The following SHISA4 variants were observed in gnomAD, a reference collection of about 807,000 sequenced individuals.
SHISA4 encodes shisa family member 4.
In SHISA4, 16 loss-of-function variants were observed where a neutral mutation model predicts 24.2. The observed-to-expected ratio is 0.66, with a 90% confidence interval of 0.45 to 1.00. SHISA4 has a LOEUF of 1.00. SHISA4 is among the 50% of genes least tolerant of loss of function. The pLI is 0.00. For missense variants in SHISA4, 238 were observed against 258.9 expected (o/e 0.92, Z 0.55); for synonymous variants, 106 against 105.4 (o/e 1.01, Z -0.04).
At position 201,891,543 on chromosome 1, in the gene SHISA4, T is replaced by C. The variant is rs1188563491; in HGVS notation, c.522T>C (p.Ala174=). The C allele has an allele frequency of 4.3e-6, 7 of 1,613,032 alleles. No individual in the cohort carries two copies. Among genetic ancestry groups the C allele is most frequent in the Non-Finnish European group, 5.9e-6 (7 of 1,179,550 alleles). Residue 174 remains alanine, a synonymous_variant, in exon 4 of 5, where the codon GCT becomes GCC. Coordinates refer to ENST00000362011, the MANE Select transcript of SHISA4 (RefSeq NM_198149.3). ...CTCCCCAATATCCACTCTACCCAGC[T>C]GGGCCCCCAGTCTACAACCCTGCAG... ...GPAPQYPLYP[A]GPPVYNPAAP... is the part of the protein sequence containing the mutation.
In SHISA4 at chr1:201,891,516, T is replaced by C. The variant is rs1471494431; in HGVS notation, c.495T>C (p.Pro165=). The change falls in exon 4 of 5, where the codon CCT becomes CCC. Residue 165 remains proline (P), a synonymous_variant. Transcript: ENST00000362011. ...QPGFIYPPSG[P]APQYPLYPAG... is the part of the protein sequence containing the mutation. ...GCTTCATATACCCACCTAGTGGTCC[T>C]GCTCCCCAATATCCACTCTACCCAG... 6.2e-7 allele frequency: 1 copy of C among 1,613,796 alleles called. No homozygotes were observed.
intron 3 of SHISA4, 66 bp from the exon 4 acceptor site, chr1:201,891,335 G>T: frequency 1.9e-6 from 3 of 1,601,974 alleles, no homozygotes; most frequent in Non-Finnish European, 1.7e-6. Context: ...TTGGTTTCCT[G>T]GGCAGGAGGA....
chr1:201,890,329 CCCCA>C (rs1436299644), intron 2 of SHISA4, 121 bp from the exon 3 acceptor site: 11 of 1,266,540 alleles, frequency 8.7e-6, no homozygotes, highest in Admixed American at 2.1e-5. Context: ...CTGGGCAGAG[CCCCA>C]CAAGGAACCC....
intron 3 of SHISA4, 81 bp from the exon 4 acceptor site, chr1:201,891,320 T>C: frequency 1.3e-6 from 2 of 1,559,444 alleles, no homozygotes; most frequent in South Asian, 1.1e-5. Flanking sequence ...ACCAGGGTGC[T>C]TACCTTGGTT....
At chr1:201,890,406 C>T (rs1308399317) in intron 2 of SHISA4, 48 bp from the exon 3 acceptor site, 1 of 1,602,184 alleles carries the variant, frequency 6.2e-7, no homozygotes, top group Non-Finnish European at 8.5e-7. Context: ...AATGAGGACT[C>T]CGTCCTATGA....
chr1:201,890,461 A>T lies in SHISA4; in HGVS notation c.253A>T (p.Thr85Ser). 6.2e-7 allele frequency: 1 copy of T among 1,614,158 alleles called. No individual in the cohort carries two copies. Among genetic ancestry groups the T allele is most frequent in the Non-Finnish European group, 8.5e-7 (1 of 1,180,012 alleles). Residue 85 changes from threonine (T) to serine (S), a missense_variant, in exon 3 of 5, where the codon ACC (threonine) becomes TCC (serine). Physicochemically the swap from Thr to Ser is moderately conservative, Grantham distance 58 (BLOSUM62 1). Transcript: ENST00000362011. ...CCTGTTCTTTGTCTAAAGCCCCAAG[A>T]CCATAGCAGGCATCGCCTCAGCTGT... ...QKHCLAFSPK[T>S]IAGIASAVIL...
rs903084505 is a variant in SHISA4 at position 201,891,315 on chromosome 1, G to C, written c.380-86G>C. The C allele has an allele frequency of 4.5e-6, 7 of 1,545,400 alleles. No individual in the cohort carries two copies. In the African/African-American group the frequency reaches 5.4e-5, roughly 12 times the overall value. On this transcript the variant is annotated intron_variant, in intron 3 of 4. Transcript: ENST00000362011. ...GGAGCTTGCCAGAGGCCAGCACCAG[G>C]GTGCTTACCTTGGTTTCCTGGGCAG... is the stretch of plus-strand genomic sequence containing the variant.
At chr1:201,891,251 T>C in intron 3 of SHISA4, 150 bp from the exon 4 acceptor site, 1 of 869,580 alleles carries the variant, frequency 1.1e-6, no homozygotes, top group Non-Finnish European at 1.8e-6. Context: ...CCTGCTTAAC[T>C]CTGCCAAGCA....
Position 201,891,846 on chromosome 1 carries a change from A to C in SHISA4, c.594A>C (p.Ter198CysextTer59). ...MPPQPSYPGA[*>C] ...CACAGCCCTCTTACCCGGGAGCCTG[A>C]GGAACCAGCCATGTCTCTGCTGCCC... Residue 198 changes from the stop codon to cysteine, a stop_lost, in exon 5 of 5, where the codon TGA becomes TGC. Coordinates refer to ENST00000362011, the MANE Select transcript of SHISA4 (RefSeq NM_198149.3). 6.2e-7 allele frequency: 1 copy of C among 1,614,020 alleles called. No homozygotes were observed. The highest frequency in any genetic ancestry group is 8.5e-7 in the Non-Finnish European group (1 of 1,179,972).
intron 2 of SHISA4, 135 bp from the exon 3 acceptor site, chr1:201,890,319 C>A (rs1681068896): frequency 8.7e-7 from 1 of 1,151,288 alleles, no homozygotes; most frequent in Admixed American, 2.3e-5. Flanking sequence ...TTCACAGGGA[C>A]TGGGCAGAGC....
At chr1:201,889,152 C>A in intron 1 of SHISA4, 85 bp downstream of exon 1, 1 of 1,251,710 alleles carries the variant, frequency 8.0e-7, no homozygotes, top group Non-Finnish European at 1.1e-6. Context: ...GGGCTCGGGG[C>A]TTCTCCGAGA....
upstream of SHISA4, chr1:201,888,834 T>A: frequency 2.4e-6 from 1 of 411,592 alleles, no homozygotes; most frequent in Non-Finnish European, 4.1e-6. Flanking sequence ...CCGCGCCGGC[T>A]GGGTTAGCGC....
intron 2 of SHISA4, 25 bp from the exon 3 acceptor site, chr1:201,890,428 TG>T (rs751641516): frequency 1.2e-6 from 2 of 1,612,898 alleles, no homozygotes; most frequent in South Asian, 2.2e-5. Flanking sequence ...TGTTGGAAGG[TG>T]AGAGGACCTG....
Position 201,891,800 on chromosome 1 carries a change from C to A in SHISA4, c.548C>A (p.Ala183Asp). The A allele has an allele frequency of 6.2e-7, 1 of 1,614,126 alleles. No individual in the cohort carries two copies. Among genetic ancestry groups the A allele is most frequent in the Non-Finnish European group, 8.5e-7 (1 of 1,179,994 alleles). ...PAGPPVYNPA[A>D]PPPYMPPQPS... ...CTCATCCTGTCTCTTTGGCTTTCAG[C>A]TCCTCCTCCCTATATGCCACCACAG... The change falls in exon 5 of 5, where the codon GCT (alanine) becomes GAT (aspartate). Residue 183 changes from alanine to aspartate, a missense_variant and splice_region_variant. By Grantham distance (126) the Ala-to-Asp change is moderately radical (BLOSUM62 -2). Coordinates refer to ENST00000362011, the MANE Select transcript of SHISA4 (RefSeq NM_198149.3).
chr1:201,888,940 G>T lies in SHISA4; in HGVS notation c.-55G>T. On this transcript the variant is annotated 5_prime_UTR_variant, in exon 1 of 5. Transcript: ENST00000362011. Reference sequence around the variant, plus strand: ...CGCCGCAGCTCCAGCTGGCCGGCTTGGTCCTGCGGTCCCTTCTCTGGGAGG... The same window carrying T: ...CGCCGCAGCTCCAGCTGGCCGGCTTTGTCCTGCGGTCCCTTCTCTGGGAGG... The T allele has an allele frequency of 1.6e-6, 2 of 1,228,316 alleles. No individual in the cohort carries two copies. The highest frequency in any genetic ancestry group is 2.1e-6 in the Non-Finnish European group (2 of 950,098). 76.1% of individuals were successfully genotyped at this position (1,228,316 alleles called of 1,614,324 possible).
intron 2 of SHISA4, among the ~76,000 whole-genome samples, chr1:201,890,079 T>A (rs1431986899): frequency 6.6e-6 from 1 of 152,198 alleles, no homozygotes. Flanking sequence ...AACTTTTTTT[T>A]AATATATCAT....
Position 201,891,867 on chromosome 1 carries a change from T to A in SHISA4, c.*21T>A, listed in dbSNP as rs1681107533. 6.2e-7 allele frequency: 1 copy of A among 1,613,704 alleles called. No individual in the cohort carries two copies. Among genetic ancestry groups the A allele is most frequent in the African/African-American group, 1.3e-5 (1 of 74,900 alleles). ...CCTGAGGAACCAGCCATGTCTCTGC[T>A]GCCCCTTCAGTGATGCCAACCTTGG... is the stretch of plus-strand genomic sequence containing the variant. On this transcript the variant is annotated 3_prime_UTR_variant, in exon 5 of 5. Transcript: ENST00000362011.
At chr1:201,890,275 G>T (rs900469341) in intron 2 of SHISA4, among the ~76,000 whole-genome samples, 179 bp from the exon 3 acceptor site, 40 of 152,200 alleles carry the variant, frequency 2.6e-4, no homozygotes, top group Non-Finnish European at 5.7e-4. Flanking sequence ...AGGCAGCATA[G>T]CCTTCTGGGA....
At chr1:201,889,358 C>A in intron 1 of SHISA4, 87 bp from the exon 2 acceptor site, 1 of 1,561,916 alleles carries the variant, frequency 6.4e-7, no homozygotes, top group Non-Finnish European at 8.7e-7. Context: ...AGCCGTCAGG[C>A]TGGGGACCGC....
Sources: allele counts gnomAD v4.1 joint callset (sites outside exome capture counted in the v4.1 genomes callset), GRCh38; gene constraint gnomAD v4.1.1; transcripts MANE v1.5; gene names NCBI Gene and HGNC (gene_info 2026-07-23, HGNC 2026-07-21).